Variants in PAK3 observed in about 807,000 individuals in gnomAD.
PAK3 encodes the protein p21 (RAC1) activated kinase 3, also known as serine/threonine-protein kinase PAK 3.
Under a neutral mutation model 41.0 loss-of-function variants are expected in PAK3, and 4 were observed. The ratio of observed to expected loss-of-function variants is 0.10; its 90% CI spans 0.05 to 0.22. The LOEUF (loss-of-function observed/expected upper bound fraction) is 0.22, where lower values mean the gene tolerates loss of function less well. Among genes scored for constraint, PAK3 ranks in the 10% least tolerant of loss-of-function variants. The pLI is 1.00. For synonymous variants in PAK3, 146 were observed against 139.6 expected (o/e 1.05, Z -0.32); for missense variants, 205 against 409.9 (o/e 0.50, Z 4.32).
intron 1 of PAK3, among the ~76,000 whole-genome samples, chrX:111,011,945 AT>A (rs1432770726): frequency 8.9e-6 from 1 of 112,212 alleles, no homozygotes; most frequent in Non-Finnish European, 1.9e-5. Flanking sequence ...TATGAACAAT[AT>A]GAATATGCCA....
chrX:110,997,064 A>T (rs1218766020), intron 1 of PAK3, among the ~76,000 whole-genome samples: 2 of 111,928 alleles, frequency 1.8e-5, no homozygotes, highest in Non-Finnish European at 3.8e-5. Flanking sequence ...CTTTTAAGGC[A>T]AAGAAGAGTC....
At position 111,162,977 on chromosome X, in the gene PAK3, GGAA is replaced by G. The variant is rs749370794; in HGVS notation, c.546_548del (p.Glu182del). On this transcript the variant is annotated inframe_deletion, in exon 9 of 18. Coordinates refer to ENST00000372007, the MANE Select transcript of PAK3 (RefSeq NM_002578.5). ...CTGTGTCTGAAGAAGAAGATGAAGAGGAAGAAGAAGAAGAAGATGAAAATGAGC... is the reference window on the plus strand; with the variant it reads ...CTGTGTCTGAAGAAGAAGATGAAGAGGAAGAAGAAGAAGATGAAAATGAGC... The G allele has an allele frequency of 7.8e-5, 93 of 1,199,582 alleles. No homozygotes were observed. The highest frequency in any genetic ancestry group is 4.6e-4 in the Middle Eastern group (2 of 4,324).
At chrX:111,215,387 C>T (rs1290757665) in intron 16 of PAK3, among the ~76,000 whole-genome samples, 2 of 110,824 alleles carry the variant, frequency 1.8e-5, no homozygotes, top group Non-Finnish European at 3.8e-5. Flanking sequence ...GCTGAAACCC[C>T]ATCTCTACTA....
chrX:111,184,171 A>G (rs2094486773), intron 11 of PAK3, among the ~76,000 whole-genome samples: 1 of 111,385 alleles, frequency 9.0e-6, no homozygotes. Context: ...TAAAAACAAT[A>G]CCTATCATAA....
chrX:110,959,192 A>G (rs1164436418), intron 1 of PAK3, among the ~76,000 whole-genome samples: 2 of 111,783 alleles, frequency 1.8e-5, no homozygotes, highest in Non-Finnish European at 3.8e-5. Flanking sequence ...GAAGTAGCCT[A>G]AAAGCCTGAG....
At chrX:111,020,717 T>C (rs1419170676) in intron 1 of PAK3, among the ~76,000 whole-genome samples, 1 of 111,842 alleles carries the variant, frequency 8.9e-6, no homozygotes, top group Non-Finnish European at 1.9e-5. Flanking sequence ...CTGTGTCTGT[T>C]TGCTTTCTCA....
upstream of PAK3, among the ~76,000 whole-genome samples, chrX:111,093,830 G>C (rs1481072483): frequency 1.8e-5 from 2 of 111,947 alleles, no homozygotes; most frequent in Non-Finnish European, 3.8e-5. Context: ...GTATATGGGA[G>C]GATTAGAGTG....
chrX:111,003,177 C>A (rs1207020147), intron 1 of PAK3, among the ~76,000 whole-genome samples: 5 of 111,916 alleles, frequency 4.5e-5, no homozygotes, highest in Admixed American at 3.8e-4. Flanking sequence ...GAAAGGACTG[C>A]AGCCCTCGAG....
intron 6 of PAK3, among the ~76,000 whole-genome samples, chrX:111,143,551 G>A (rs953590581): frequency 1.4e-4 from 15 of 111,026 alleles, no homozygotes; most frequent in Non-Finnish European, 2.8e-4. Context: ...GGCTTTGAGT[G>A]TGAACCCATT....
chrX:111,208,699 C>T (rs1219083994), intron 16 of PAK3, among the ~76,000 whole-genome samples: 2 of 111,843 alleles, frequency 1.8e-5, no homozygotes, highest in African/African-American at 6.5e-5. Flanking sequence ...GTTCACAAAA[C>T]GATGAAATTG....
At chrX:111,032,829 A>G (rs955768682) in intron 1 of PAK3, among the ~76,000 whole-genome samples, 2 of 110,558 alleles carry the variant, frequency 1.8e-5, no homozygotes, top group African/African-American at 6.6e-5. Context: ...TAGGGTCTTA[A>G]TGAGCCAGAT....
chrX:111,209,832 G>T (rs1170851463), intron 16 of PAK3, among the ~76,000 whole-genome samples: 1 of 112,442 alleles, frequency 8.9e-6, no homozygotes, highest in Non-Finnish European at 1.9e-5. Context: ...ACAATTTATT[G>T]AGTACATATG....
intron 1 of PAK3, among the ~76,000 whole-genome samples, chrX:110,991,318 T>C (rs761489828): frequency 2.1e-4 from 23 of 111,907 alleles, no homozygotes; most frequent in African/African-American, 6.8e-4. Flanking sequence ...TAGCACCTGA[T>C]ACATGATTAG....
At chrX:110,983,508 G>A (rs771021043) in intron 1 of PAK3, among the ~76,000 whole-genome samples, 1 of 90,641 alleles carries the variant, frequency 1.1e-5, no homozygotes, top group East Asian at 3.8e-4. Flanking sequence ...GTGTGTTTGT[G>A]TGCATGTGTG....
At chrX:111,046,986 G>T (rs1326579363) in intron 1 of PAK3, among the ~76,000 whole-genome samples, 1 of 111,772 alleles carries the variant, frequency 8.9e-6, no homozygotes, top group Non-Finnish European at 1.9e-5. Context: ...GGCTATATAA[G>T]GAGGTGGGAG....
At chrX:111,128,919 T>C (rs1274418509) in intron 5 of PAK3, among the ~76,000 whole-genome samples, 1 of 111,895 alleles carries the variant, frequency 8.9e-6, no homozygotes, top group Non-Finnish European at 1.9e-5. Context: ...GCTTGCATAT[T>C]GCTTACTTTA....
At chrX:111,028,605 C>A (rs1475215882) in intron 1 of PAK3, among the ~76,000 whole-genome samples, 3 of 110,989 alleles carry the variant, frequency 2.7e-5, no homozygotes, top group African/African-American at 6.6e-5. Context: ...TAGAACTAAA[C>A]CAATATGGAA....
At chrX:111,093,282 C>A (rs1441705071), upstream of PAK3, among the ~76,000 whole-genome samples, 6 of 111,746 alleles carry the variant, frequency 5.4e-5, no homozygotes, top group Admixed American at 9.5e-5. Flanking sequence ...AAATGCAGAT[C>A]ATAATAATTG....
intron 1 of PAK3, among the ~76,000 whole-genome samples, chrX:110,953,120 T>C (rs751731914): frequency 2.7e-5 from 3 of 112,132 alleles, no homozygotes; most frequent in Non-Finnish European, 3.8e-5. Flanking sequence ...AATGAACTAT[T>C]CTGCAAAGGT....
Sources: allele counts gnomAD v4.1 joint callset (sites outside exome capture counted in the v4.1 genomes callset), GRCh38; gene constraint gnomAD v4.1.1; transcripts MANE v1.5; gene names NCBI Gene and HGNC (gene_info 2026-07-23, HGNC 2026-07-21).